The following RALA variants were observed in gnomAD, a reference collection of about 807,000 sequenced individuals.
The protein encoded by RALA is ras-related protein Ral-A.
RALA carries 5 observed loss-of-function variants against 24.0 expected under a neutral mutation model. The observed-to-expected ratio is 0.21, with a 90% CI of 0.11 to 0.44. The LOEUF (loss-of-function observed/expected upper bound fraction) is 0.44, where lower values mean the gene tolerates loss of function less well. Among genes scored for constraint, RALA ranks in the 20% least tolerant of loss-of-function variants. The probability of loss-of-function intolerance (pLI) is 0.99; values close to 1 mark genes in which losing one functional copy is unlikely to be tolerated. For missense variants in RALA, 95 were observed against 241.2 expected, an observed-to-expected ratio of 0.39 and a Z score of 4.01; for synonymous variants, 77 against 83.8, an observed-to-expected ratio of 0.92 and a Z score of 0.44.
At chr7:39,704,203 T>C (rs1331269602) in intron 4 of RALA, among the ~76,000 whole-genome samples, 1 of 152,048 alleles carries the variant, frequency 6.6e-6, no homozygotes, top group Non-Finnish European at 1.5e-5. Flanking sequence ...GTCTTTGTTT[T>C]GTTTTGTTGG....
intron 3 of RALA, among the ~76,000 whole-genome samples, chr7:39,692,113 A>G (rs1448558378): frequency 6.6e-6 from 1 of 152,148 alleles, no homozygotes; most frequent in African/African-American, 2.4e-5. Context: ...TTTTTTGAAA[A>G]GGTCTGAATG....
At chr7:39,679,296 G>A (rs576566281) in intron 1 of RALA, among the ~76,000 whole-genome samples, 9 of 152,024 alleles carry the variant, frequency 5.9e-5, no homozygotes, top group Non-Finnish European at 1.0e-4. Flanking sequence ...TCTCTGTTAC[G>A]TATTCTTCTT....
intron 1 of RALA, among the ~76,000 whole-genome samples, chr7:39,630,548 T>A (rs1194126185): frequency 1.3e-5 from 2 of 152,212 alleles, no homozygotes; most frequent in East Asian, 3.8e-4. Flanking sequence ...AAATTTTAAA[T>A]TTACTGCATC....
intron 4 of RALA, among the ~76,000 whole-genome samples, chr7:39,698,348 C>T (rs1447318015): frequency 6.6e-6 from 1 of 152,096 alleles, no homozygotes; most frequent in Non-Finnish European, 1.5e-5. Context: ...GGTTTCTGAA[C>T]ACAGTAACTA....
At chr7:39,637,654 A>G (rs763103110) in intron 1 of RALA, among the ~76,000 whole-genome samples, 7 of 152,256 alleles carry the variant, frequency 4.6e-5, no homozygotes, top group Non-Finnish European at 7.3e-5. Context: ...CTAAATGCAC[A>G]GATAACTGTA....
intron 4 of RALA, among the ~76,000 whole-genome samples, chr7:39,697,102 T>G (rs1792934406): frequency 6.6e-6 from 1 of 152,192 alleles, no homozygotes; most frequent in South Asian, 2.1e-4. Context: ...TTTAAAGCAC[T>G]GATGGCATTC....
chr7:39,645,717 G>A (rs1791915117), intron 1 of RALA, among the ~76,000 whole-genome samples: 1 of 152,180 alleles, frequency 6.6e-6, no homozygotes, highest in Non-Finnish European at 1.5e-5. Flanking sequence ...CTTAATCTAG[G>A]CTTAAGGAAC....
chr7:39,680,088 G>A (rs1182245269), intron 1 of RALA, among the ~76,000 whole-genome samples: 2 of 152,110 alleles, frequency 1.3e-5, no homozygotes, highest in Non-Finnish European at 2.9e-5. Context: ...TTATGAAACA[G>A]GCTGGGCGCC....
intron 3 of RALA, 56 bp downstream of exon 3, chr7:39,690,646 C>T: frequency 7.3e-7 from 1 of 1,367,840 alleles, no homozygotes; most frequent in Non-Finnish European, 1.0e-6. Flanking sequence ...ATTTCTTCCC[C>T]AGAAACAAGT....
At chr7:39,647,138 G>A (rs868027898) in intron 1 of RALA, among the ~76,000 whole-genome samples, 24 of 152,106 alleles carry the variant, frequency 1.6e-4, no homozygotes, top group African/African-American at 5.3e-4. Context: ...GACCTCCCGG[G>A]CTCGAGCAAT....
intron 1 of RALA, among the ~76,000 whole-genome samples, chr7:39,637,193 A>C (rs1274867316): frequency 6.6e-6 from 1 of 152,232 alleles, no homozygotes; most frequent in Non-Finnish European, 1.5e-5. Context: ...ATAATTGAGG[A>C]GTCCCAGTTA....
At chr7:39,704,537 T>G (rs1382671063) in intron 4 of RALA, among the ~76,000 whole-genome samples, 1 of 151,812 alleles carries the variant, frequency 6.6e-6, no homozygotes, top group Non-Finnish European at 1.5e-5. Flanking sequence ...AGGCTGGTCT[T>G]GAACTCCTGA....
At chr7:39,675,218 T>TA (rs1166329132) in intron 1 of RALA, among the ~76,000 whole-genome samples, 1 of 152,198 alleles carries the variant, frequency 6.6e-6, no homozygotes, top group Non-Finnish European at 1.5e-5. Flanking sequence ...GCAGAAAAGA[T>TA]ACATTGCAGC....
intron 1 of RALA, among the ~76,000 whole-genome samples, chr7:39,682,371 G>A (rs1014579988): frequency 6.6e-6 from 1 of 152,202 alleles, no homozygotes; most frequent in Non-Finnish European, 1.5e-5. Flanking sequence ...TACTGGGATA[G>A]CCTCCTATAC....
intron 1 of RALA, among the ~76,000 whole-genome samples, chr7:39,672,876 T>G (rs1007477962): frequency 6.6e-6 from 1 of 152,222 alleles, no homozygotes; most frequent in Non-Finnish European, 1.5e-5. Context: ...GTTCTGTACC[T>G]TGATTGTGAT....
intron 1 of RALA, among the ~76,000 whole-genome samples, chr7:39,647,009 A>G (rs1791935880): frequency 6.6e-6 from 1 of 152,196 alleles, no homozygotes; most frequent in Non-Finnish European, 1.5e-5. Context: ...TGAGATCAGT[A>G]TAACTGAGTA....
intron 1 of RALA, among the ~76,000 whole-genome samples, chr7:39,677,207 C>T (rs923399642): frequency 8.5e-5 from 13 of 152,206 alleles, no homozygotes; most frequent in African/African-American, 2.9e-4. Context: ...CTGAAGCCCC[C>T]TCAAGGAACC....
At chr7:39,626,141 T>C (rs1791481515) in intron 1 of RALA, among the ~76,000 whole-genome samples, 1 of 152,242 alleles carries the variant, frequency 6.6e-6, no homozygotes. Flanking sequence ...CTTACCTCAG[T>C]GACATTACCA....
chr7:39,677,439 T>C (rs532096529), intron 1 of RALA, among the ~76,000 whole-genome samples: 15 of 126,146 alleles, frequency 1.2e-4, no homozygotes, highest in African/African-American at 4.3e-4. Context: ...CACATTTTCT[T>C]AATCCAGTCT....
Sources: gnomAD v4.1 joint callset for allele counts (sites outside exome capture counted in the v4.1 genomes callset) on GRCh38, gnomAD v4.1.1 for gene constraint, MANE v1.5 for transcripts, NCBI Gene and HGNC (gene_info 2026-07-23, HGNC 2026-07-21) for gene names.